Variants in HMGN4 observed in about 807,000 individuals in gnomAD.
HMGN4 encodes the protein high mobility group nucleosome-binding domain-containing protein 4.
For synonymous variants in HMGN4, 39 were observed against 39.1 expected (o/e 1.00, Z 0.01); for missense variants, 69 against 104.9 (o/e 0.66, Z 1.49).
In HMGN4 at chr6:26,540,121, T is replaced by C. The variant is rs190222676; in HGVS notation, c.-81+1620T>C. 1.4e-4 allele frequency among the ~76,000 whole-genome samples: 21 copies of C among 152,312 alleles called. No individual in the cohort carries two copies. The East Asian group carries it at 4.1e-3, about 29-fold the overall frequency. ...TTAAAGCAGATGCATTCTGGCAAGC[T>C]GCAGCAGCAAACCTACCCTTTTAGA... On this transcript the variant is annotated intron_variant, in intron 1 of 1. Transcript: ENST00000377575.
In HMGN4 at chr6:26,545,315, C is replaced by T. The variant is rs377540622; in HGVS notation, c.109C>T (p.Pro37Ser). ...GTCTGCTAAACCAGCTCCTCCAAAA[C>T]CAGAGCCCAGGCCTAAAAAGGCCTC... ...RLSAKPAPPK[P>S]EPRPKKASAK... Residue 37 changes from proline to serine, a missense_variant, in exon 2 of 2, where the codon CCA becomes TCA. Physicochemically the swap from Pro to Ser is moderately conservative, Grantham distance 74. Coordinates refer to ENST00000377575, the MANE Select transcript of HMGN4 (RefSeq NM_006353.3). 1.7e-5 allele frequency: 27 copies of T among 1,614,110 alleles called. No homozygotes were observed. The African/African-American group carries it at 3.6e-4, about 22-fold the overall frequency.
intron 1 of HMGN4, among the ~76,000 whole-genome samples, chr6:26,540,442 C>G (rs1463847972): frequency 1.3e-5 from 2 of 151,680 alleles, no homozygotes; most frequent in African/African-American, 4.9e-5. Context: ...TCAAGTGATT[C>G]TCCTGCCTCA....
Position 26,540,327 on chromosome 6 carries a change from T to A in HMGN4, c.-81+1826T>A, listed in dbSNP as rs1764273537. On this transcript the variant is annotated intron_variant, in intron 1 of 1. Transcript: ENST00000377575. ...TAGCACACTGCATCTTGCCTGTGAA[T>A]CTTTTTTTTTTTTTCTTTTTTTTTT... is the stretch of plus-strand genomic sequence containing the variant. 5.7e-5 allele frequency among the ~76,000 whole-genome samples: 3 copies of A among 52,438 alleles called. No individual in the cohort carries two copies. In the South Asian group the frequency reaches 4.2e-3, roughly 74 times the overall value. 34.4% of individuals were successfully genotyped at this position (52,438 alleles called of 152,430 possible).
In HMGN4 at chr6:26,546,309, T is replaced by G. The variant is rs752559038; in HGVS notation, c.*830T>G. The G allele has an allele frequency of 6.0e-6, 1 of 167,196 alleles. No homozygotes were observed. 10.4% of individuals were successfully genotyped at this position (167,196 alleles called of 1,614,324 possible). A position where few individuals can be genotyped will look rare whatever the true frequency, so the allele number is the denominator to read the frequency against. ...ATATTCTTTACTGCCTTGTGGAAATTTTATAGTTTTGCCTTTCACATTTGT... is the reference window on the plus strand; with the variant it reads ...ATATTCTTTACTGCCTTGTGGAAATGTTATAGTTTTGCCTTTCACATTTGT... On this transcript the variant is annotated 3_prime_UTR_variant, in exon 2 of 2. Transcript: ENST00000377575.
Position 26,542,208 on chromosome 6 carries a change from T to C in HMGN4, c.-80-2919T>C, listed in dbSNP as rs886872340. On this transcript the variant is annotated intron_variant, in intron 1 of 1. Coordinates refer to ENST00000377575, the MANE Select transcript of HMGN4 (RefSeq NM_006353.3). The surrounding 1 kb of genome is among the most constrained non-coding windows in gnomAD (Gnocchi z 4.6). ...AATGCGTATTTTTTTTTTACATTAATAGACTTCCTTTTTTCAGAGCAATTT... is the reference window on the plus strand; with the variant it reads ...AATGCGTATTTTTTTTTTACATTAACAGACTTCCTTTTTTCAGAGCAATTT... Among the ~76,000 whole-genome samples, 17 of 152,150 alleles carry C rather than the reference T, an allele frequency of 1.1e-4. No homozygotes were observed. Among genetic ancestry groups the C allele is most frequent in the Non-Finnish European group, 2.9e-5 (2 of 68,014 alleles).
At position 26,545,531 on chromosome 6, in the gene HMGN4, A is replaced by G. The variant is rs985043955; in HGVS notation, c.*52A>G. Reference sequence around the variant, plus strand: ...TTATAGTGACTCTACTGTTTGAAATACTATTTTTTTAAATCAAGTTTTATA... The same window carrying G: ...TTATAGTGACTCTACTGTTTGAAATGCTATTTTTTTAAATCAAGTTTTATA... On this transcript the variant is annotated 3_prime_UTR_variant, in exon 2 of 2. Transcript: ENST00000377575. The G allele has an allele frequency of 9.7e-6, 14 of 1,450,654 alleles. No homozygotes were observed. The Middle Eastern group carries it at 9.7e-4, about 100-fold the overall frequency. 89.9% of individuals were successfully genotyped at this position (1,450,654 alleles called of 1,614,324 possible). A position where few individuals can be genotyped will look rare whatever the true frequency, so the allele number is the denominator to read the frequency against.
chr6:26,542,464 AATATATGCCATT>A lies in HMGN4; in HGVS notation c.-80-2661_-80-2650del, dbSNP rs1764299480. Among the ~76,000 whole-genome samples the A allele has an allele frequency of 6.6e-6, 1 of 152,188 alleles. No individual in the cohort carries two copies. Among genetic ancestry groups the A allele is most frequent in the Non-Finnish European group, 1.5e-5 (1 of 68,042 alleles). The stretch of plus-strand genomic sequence containing the variant: ...AAGTGCATAACATCTACCATTTTAT[AATATATGCCATT>A]ACAGTAGCATACAAAAGAGTTTCAT... On this transcript the variant is annotated intron_variant, in intron 1 of 1. Transcript: ENST00000377575. This position sits in a 1 kb window ranked among gnomAD's most constrained non-coding sequence, Gnocchi z 4.6.
rs1176114282 is a variant in HMGN4 at position 26,542,894 on chromosome 6, G to C, written c.-80-2233G>C. Among the ~76,000 whole-genome samples, 1 of 152,186 alleles carries C rather than the reference G, an allele frequency of 6.6e-6. No homozygotes were observed. Among genetic ancestry groups the C allele is most frequent in the South Asian group, 2.1e-4 (1 of 4,834 alleles). Reference sequence around the variant, plus strand: ...CAATGGATCTAACTCGAAGAAGACTGAACCCAGGAAAAGAGACTGTGTGAG... The same window carrying C: ...CAATGGATCTAACTCGAAGAAGACTCAACCCAGGAAAAGAGACTGTGTGAG... On this transcript the variant is annotated intron_variant, in intron 1 of 1. Transcript: ENST00000377575. The surrounding 1 kb of genome is among the most constrained non-coding windows in gnomAD (Gnocchi z 4.6).
At chr6:26,543,803 A>C in intron 1 of HMGN4, among the ~76,000 whole-genome samples, 1 of 143,960 alleles carries the variant, frequency 6.9e-6, no homozygotes. Context: ...AAACTGGAGC[A>C]ATTTGGAGAC....
intron 1 of HMGN4, among the ~76,000 whole-genome samples, chr6:26,539,534 G>C (rs1413835130): frequency 6.6e-6 from 1 of 150,744 alleles, no homozygotes; most frequent in Non-Finnish European, 1.5e-5. Context: ...GCCTCCCAAA[G>C]TGCTGAGATT....
chr6:26,541,640 T>G (rs1336987237), intron 1 of HMGN4, among the ~76,000 whole-genome samples: 1 of 152,206 alleles, frequency 6.6e-6, no homozygotes, highest in Non-Finnish European at 1.5e-5. Flanking sequence ...TTTTGCTTTT[T>G]ATTTCACTAT....
In HMGN4 at chr6:26,543,421, C is replaced by CTTTTT. The variant is rs70977285; in HGVS notation, c.-80-1692_-80-1688dup. Among the ~76,000 whole-genome samples, 9 of 80,136 alleles carry CTTTTT rather than the reference C, an allele frequency of 1.1e-4. No homozygotes were observed. In the Admixed American group the frequency reaches 1.3e-3, roughly 12 times the overall value. 52.6% of individuals were successfully genotyped at this position (80,136 alleles called of 152,430 possible). ...CTGTATGTCTCAGTGGCACCATTAC[C>CTTTTT]TTTTTTTTTTTTTTTTTTGAAGCAG... On this transcript the variant is annotated intron_variant, in intron 1 of 1. Coordinates refer to ENST00000377575, the MANE Select transcript of HMGN4 (RefSeq NM_006353.3).
At chr6:26,541,243 A>C (rs973875281) in intron 1 of HMGN4, among the ~76,000 whole-genome samples, 2 of 152,010 alleles carry the variant, frequency 1.3e-5, no homozygotes, top group Non-Finnish European at 2.9e-5. Context: ...ATAGGGTTTC[A>C]CCATGTTGGC....
intron 1 of HMGN4, among the ~76,000 whole-genome samples, chr6:26,543,768 CAAAAAAAAAAAA>C (rs60635902): frequency 2.6e-5 from 1 of 38,332 alleles, no homozygotes; most frequent in African/African-American, 1.5e-4. Context: ...GACTCTATCT[CAAAAAAAAAAAA>C]AAAAAAAAAA....
rs375463401 is a variant in HMGN4, at chr6:26,545,266, G to A, written c.60G>A (p.Glu20=). ...AKGDKAKVKD[E]PQRRSARLSA... is the part of the protein sequence containing the mutation. The stretch of plus-strand genomic sequence containing the variant: ...GTGATAAAGCAAAGGTGAAGGATGA[G>A]CCACAGAGGAGATCAGCTCGGTTGT... Residue 20 remains glutamate (E), a synonymous_variant, in exon 2 of 2, where the codon GAG becomes GAA. Coordinates refer to ENST00000377575, the MANE Select transcript of HMGN4 (RefSeq NM_006353.3). 4.3e-6 allele frequency: 7 copies of A among 1,613,998 alleles called. No individual in the cohort carries two copies. The highest frequency in any genetic ancestry group is 1.7e-5 in the Admixed American group (1 of 59,982).
chr6:26,543,115 C>G (rs1483321911), intron 1 of HMGN4, among the ~76,000 whole-genome samples: 3 of 152,054 alleles, frequency 2.0e-5, no homozygotes, highest in Admixed American at 2.0e-4. Flanking sequence ...TTATTCATTG[C>G]CCAAGTTAGG....
At chr6:26,543,332 A>G (rs1373378061) in intron 1 of HMGN4, among the ~76,000 whole-genome samples, 3 of 150,856 alleles carry the variant, frequency 2.0e-5, no homozygotes, top group Admixed American at 6.6e-5. Flanking sequence ...CAATAAATTC[A>G]TGTAATGTCT....
intron 1 of HMGN4, among the ~76,000 whole-genome samples, chr6:26,541,571 TCTC>T (rs757433716): frequency 2.6e-5 from 4 of 152,250 alleles, no homozygotes; most frequent in African/African-American, 4.8e-5. Context: ...TGTATCCTAA[TCTC>T]CTCTTCCTAT....
At position 26,545,522 on chromosome 6, in the gene HMGN4, G is replaced by A. The variant is rs1211321532; in HGVS notation, c.*43G>A. ...GCTCTGTACTTATAGTGACTCTACTGTTTGAAATACTATTTTTTTAAATCA... is the reference window on the plus strand; with the variant it reads ...GCTCTGTACTTATAGTGACTCTACTATTTGAAATACTATTTTTTTAAATCA... On this transcript the variant is annotated 3_prime_UTR_variant, in exon 2 of 2. Coordinates refer to ENST00000377575, the MANE Select transcript of HMGN4 (RefSeq NM_006353.3). 4 of 1,461,306 alleles carry A rather than the reference G, an allele frequency of 2.7e-6. No homozygotes were observed. In the African/African-American group the frequency reaches 4.3e-5, roughly 16 times the overall value. 90.5% of individuals were successfully genotyped at this position (1,461,306 alleles called of 1,614,324 possible).
Sources: allele counts gnomAD v4.1 joint callset (sites outside exome capture counted in the v4.1 genomes callset), GRCh38; gene constraint gnomAD v4.1.1; non-coding constraint Gnocchi (gnomAD v3.1); transcripts MANE v1.5; gene names NCBI Gene and HGNC (gene_info 2026-07-23, HGNC 2026-07-21).